Variants in ARFGAP3 observed in about 807,000 individuals in gnomAD.
ARFGAP3 encodes ADP-ribosylation factor GTPase-activating protein 3.
A neutral mutation model predicts 75.0 loss-of-function variants in ARFGAP3; 72 were observed. That is an observed-to-expected ratio of 0.96 (90% confidence interval 0.79 to 1.17). ARFGAP3 has a LOEUF of 1.17. Ranked by LOEUF, ARFGAP3 falls within the 50% of genes most tolerant of loss-of-function variation. The pLI is 0.00. For missense variants in ARFGAP3, 620 were observed against 626.6 expected (o/e 0.99, Z 0.11); for synonymous variants, 221 against 217.9 (o/e 1.01, Z -0.13).
At chr22:42,817,473 A>G (rs976782648) in intron 10 of ARFGAP3, 15 of 259,822 alleles carry the variant, frequency 5.8e-5, no homozygotes, top group African/African-American at 3.5e-4. Flanking sequence ...TGCAGTCACA[A>G]ATATTGGTTA....
intron 14 of ARFGAP3, among the ~76,000 whole-genome samples, chr22:42,799,689 GAA>G (rs1219785443): frequency 6.6e-6 from 1 of 152,172 alleles, no homozygotes; most frequent in Non-Finnish European, 1.5e-5. Flanking sequence ...CCTCAAATGA[GAA>G]GAGCCATTTG....
intron 12 of ARFGAP3, 73 bp downstream of exon 12, chr22:42,810,740 A>G (rs1055430860): frequency 1.5e-5 from 20 of 1,350,656 alleles, no homozygotes; most frequent in African/African-American, 5.8e-5. Context: ...TTTTCATGTC[A>G]TCATGTTATC....
chr22:42,841,437 G>T (rs1397119927), intron 2 of ARFGAP3, among the ~76,000 whole-genome samples: 1 of 152,128 alleles, frequency 6.6e-6, no homozygotes, highest in Non-Finnish European at 1.5e-5. Context: ...TTATCACAAG[G>T]TAGAAGAGAC....
At chr22:42,808,600 G>C (rs141852487) in intron 13 of ARFGAP3, among the ~76,000 whole-genome samples, 167 bp downstream of exon 13, 3 of 152,128 alleles carry the variant, frequency 2.0e-5, no homozygotes, top group Non-Finnish European at 2.9e-5. Context: ...GCAAGCACAT[G>C]ATCAGTTATA....
At chr22:42,813,052 T>G (rs1925436661) in intron 11 of ARFGAP3, among the ~76,000 whole-genome samples, 1 of 152,226 alleles carries the variant, frequency 6.6e-6, no homozygotes, top group Non-Finnish European at 1.5e-5. Context: ...CAAGGTGATA[T>G]TCACATGTTT....
chr22:42,828,755 G>A (rs1304861864), intron 6 of ARFGAP3, among the ~76,000 whole-genome samples: 1 of 148,276 alleles, frequency 6.7e-6, no homozygotes, highest in Non-Finnish European at 1.5e-5. Flanking sequence ...TGCGAACTCG[G>A]CTCACTGCAA....
At chr22:42,840,818 A>G in intron 3 of ARFGAP3, 126 bp downstream of exon 3, 1 of 1,013,466 alleles carries the variant, frequency 9.9e-7, no homozygotes, top group Non-Finnish European at 1.4e-6. Context: ...AACGCCTGTA[A>G]TTTCAGCCTC....
chr22:42,845,812 G>T (rs1375067575), intron 2 of ARFGAP3, among the ~76,000 whole-genome samples: 1 of 151,906 alleles, frequency 6.6e-6, no homozygotes, highest in South Asian at 2.1e-4. Context: ...GGACGAGGGG[G>T]GTGGATCACA....
Position 42,835,443 on chromosome 22 carries a change from C to G in ARFGAP3, c.312G>C (p.Lys104Asn), listed in dbSNP as rs1445491031. Residue 104 changes from lysine (K) to asparagine (N), a missense_variant, in exon 4 of 16, where the codon AAG (lysine) becomes AAC (asparagine). Physicochemically the swap from Lys to Asn is moderately conservative, Grantham distance 94. Transcript: ENST00000263245. ...HGCSTNDTNA[K>N]YNSRAAQLYR... is the part of the protein sequence containing the mutation. Reference sequence around the variant, plus strand: ...AGAGCTGAGCAGCACGACTGTTGTACTTGGCATTGGTGTCATTGGTGGAAC... The same window carrying G: ...AGAGCTGAGCAGCACGACTGTTGTAGTTGGCATTGGTGTCATTGGTGGAAC... 1 of 1,614,004 alleles carries G rather than the reference C, an allele frequency of 6.2e-7. No homozygotes were observed. The highest frequency in any genetic ancestry group is 8.5e-7 in the Non-Finnish European group (1 of 1,180,014).
chr22:42,848,597 C>T (rs943191123), intron 1 of ARFGAP3, among the ~76,000 whole-genome samples: 1 of 152,090 alleles, frequency 6.6e-6, no homozygotes, highest in Non-Finnish European at 1.5e-5. Flanking sequence ...ATCCTTGAAG[C>T]ATCAGCAGGG....
chr22:42,803,365 G>A (rs1160120149), intron 14 of ARFGAP3, among the ~76,000 whole-genome samples: 1 of 152,136 alleles, frequency 6.6e-6, no homozygotes, highest in East Asian at 1.9e-4. Context: ...GAGAAAAGGA[G>A]ACAGTGGTTA....
At chr22:42,817,333 C>T in intron 10 of ARFGAP3, 69 bp from the exon 11 acceptor site, 1 of 1,516,318 alleles carries the variant, frequency 6.6e-7, no homozygotes, top group South Asian at 1.3e-5. Context: ...ATAAACAAAG[C>T]TTTAATTTAT....
At chr22:42,823,746 T>C (rs1387390856) in intron 7 of ARFGAP3, 44 bp from the exon 8 acceptor site, 1 of 1,456,710 alleles carries the variant, frequency 6.9e-7, no homozygotes. Flanking sequence ...ATAGAAATAA[T>C]TTTTCTTTTT....
chr22:42,843,821 T>C (rs1375841929), intron 2 of ARFGAP3, among the ~76,000 whole-genome samples: 4 of 152,112 alleles, frequency 2.6e-5, no homozygotes, highest in African/African-American at 4.8e-5. Flanking sequence ...GCCTGAAACA[T>C]GGAGATCCCA....
At chr22:42,805,422 C>T (rs894772840) in intron 14 of ARFGAP3, among the ~76,000 whole-genome samples, 12 of 152,294 alleles carry the variant, frequency 7.9e-5, no homozygotes, top group African/African-American at 2.4e-4. Context: ...GTCTCTGGAC[C>T]GGCTGCTGGC....
At chr22:42,818,994 G>C (rs1463051757) in intron 9 of ARFGAP3, among the ~76,000 whole-genome samples, 1 of 151,668 alleles carries the variant, frequency 6.6e-6, no homozygotes, top group East Asian at 1.9e-4. Flanking sequence ...TCTATTTTTA[G>C]TAGAGACGAG....
chr22:42,823,111 A>G (rs1347751301), intron 8 of ARFGAP3, among the ~76,000 whole-genome samples: 4 of 151,558 alleles, frequency 2.6e-5, no homozygotes, highest in Non-Finnish European at 4.4e-5. Context: ...CGCCTGGCCT[A>G]TTGTTTTTTT....
intron 4 of ARFGAP3, among the ~76,000 whole-genome samples, chr22:42,835,007 T>C (rs1005137260): frequency 6.6e-6 from 1 of 152,242 alleles, no homozygotes; most frequent in Non-Finnish European, 1.5e-5. Flanking sequence ...GGCTGAGTTA[T>C]AGTCCTTGGC....
rs1469346173 is a variant in ARFGAP3, at chr22:42,797,617, A to G, written c.1534-12T>C. 2.5e-6 allele frequency: 4 copies of G among 1,614,042 alleles called. No homozygotes were observed. Among genetic ancestry groups the G allele is most frequent in the South Asian group, 2.2e-5 (2 of 91,076 alleles). On this transcript the variant is annotated splice_polypyrimidine_tract_variant and intron_variant, in intron 15 of 15. Coordinates refer to ENST00000263245, the MANE Select transcript of ARFGAP3 (RefSeq NM_014570.5). The stretch of plus-strand genomic sequence containing the variant: ...GAACCGTAGCGATCCTGAAGAGAGA[A>G]CCAAAATGGAAGTTCACGACCATTC...
Sources: allele counts gnomAD v4.1 joint callset (sites outside exome capture counted in the v4.1 genomes callset), GRCh38; gene constraint gnomAD v4.1.1; transcripts MANE v1.5; gene names NCBI Gene and HGNC (gene_info 2026-07-23, HGNC 2026-07-21).